Variants in CACNA2D3 observed in about 807,000 individuals in gnomAD.
The protein encoded by CACNA2D3 is voltage-dependent calcium channel subunit alpha-2/delta-3.
CACNA2D3 carries 60 observed loss-of-function variants against 160.6 expected under a neutral mutation model. The ratio of observed to expected loss-of-function variants is 0.37; its 90% CI spans 0.30 to 0.46. The LOEUF (loss-of-function observed/expected upper bound fraction) is 0.46. Among genes scored for constraint, CACNA2D3 ranks in the 20% least tolerant of loss-of-function variants. The probability of loss-of-function intolerance (pLI) is 1.00; values close to 1 mark genes in which losing one functional copy is unlikely to be tolerated. For missense variants in CACNA2D3, 1,205 were observed against 1,365.0 expected (o/e 0.88, Z 1.85); for synonymous variants, 558 against 492.9 (o/e 1.13, Z -1.75).
In CACNA2D3 at chr3:54,864,804, C is replaced by T. The variant is rs138060987; in HGVS notation, c.1627-6735C>T. ...CCTCAGGTGAGGCAGTGCCGAGGGC[C>T]GGTGACCACCAGACCACAGGCTCAG... is the stretch of plus-strand genomic sequence containing the variant. On this transcript the variant is annotated intron_variant, in intron 17 of 37. Transcript: ENST00000474759. Among the ~76,000 whole-genome samples, 37 of 152,286 alleles carry T rather than the reference C, an allele frequency of 2.4e-4. No homozygotes were observed. In the East Asian group the frequency reaches 5.6e-3, roughly 23 times the overall value.
At chr3:54,155,739 G>A (rs1344213979) in intron 2 of CACNA2D3, among the ~76,000 whole-genome samples, 1 of 152,160 alleles carries the variant, frequency 6.6e-6, no homozygotes, top group East Asian at 1.9e-4. Context: ...CTCATGTTCA[G>A]TCTGCAGGAA....
chr3:54,968,089 C>T (rs1702189999), intron 27 of CACNA2D3, among the ~76,000 whole-genome samples: 2 of 152,056 alleles, frequency 1.3e-5, no homozygotes, highest in Non-Finnish European at 2.9e-5. Context: ...TAATAGCTGA[C>T]AGGAACTGAA....
intron 4 of CACNA2D3, among the ~76,000 whole-genome samples, chr3:54,400,569 G>A (rs530196727): frequency 4.2e-4 from 64 of 152,260 alleles, no homozygotes; most frequent in African/African-American, 1.5e-3. Flanking sequence ...GACAGCCTTT[G>A]CTACCACCAC....
At chr3:54,407,922 A>G (rs1272428161) in intron 4 of CACNA2D3, among the ~76,000 whole-genome samples, 1 of 152,108 alleles carries the variant, frequency 6.6e-6, no homozygotes, top group African/African-American at 2.4e-5. Flanking sequence ...TATAACATCT[A>G]GGTGATTTCT....
intron 4 of CACNA2D3, among the ~76,000 whole-genome samples, chr3:54,412,856 T>A (rs944316912): frequency 2.4e-4 from 37 of 151,840 alleles, no homozygotes; most frequent in African/African-American, 8.2e-4. Flanking sequence ...ATCTTTTATA[T>A]ATGTTATAAA....
intron 10 of CACNA2D3, among the ~76,000 whole-genome samples, chr3:54,630,042 A>T (rs1455770389): frequency 2.0e-5 from 3 of 152,100 alleles, no homozygotes; most frequent in Non-Finnish European, 4.4e-5. Context: ...TTTTAAGGTA[A>T]TGGTAGCAAA....
At chr3:54,242,206 A>AC (rs1701986421) in intron 2 of CACNA2D3, among the ~76,000 whole-genome samples, 5 of 152,166 alleles carry the variant, frequency 3.3e-5, no homozygotes, top group African/African-American at 1.2e-4. Context: ...AGATCAACTG[A>AC]GGTCAGGAGT....
chr3:54,401,006 A>G (rs1003210233), intron 4 of CACNA2D3, among the ~76,000 whole-genome samples: 8 of 152,174 alleles, frequency 5.3e-5, no homozygotes, highest in Non-Finnish European at 1.2e-4. Flanking sequence ...CAGAAAAAAA[A>G]TTCATGATCT....
At chr3:54,281,902 G>A in intron 2 of CACNA2D3, among the ~76,000 whole-genome samples, 1 of 152,180 alleles carries the variant, frequency 6.6e-6, no homozygotes, top group East Asian at 1.9e-4. Flanking sequence ...TCAGCAGATA[G>A]CACAGAGTGG....
intron 13 of CACNA2D3, among the ~76,000 whole-genome samples, chr3:54,775,786 GGCT>G (rs1332453532): frequency 6.6e-6 from 1 of 151,984 alleles, no homozygotes; most frequent in East Asian, 1.9e-4. Flanking sequence ...AGAAAGCATT[GGCT>G]GTAGGCAAGA....
chr3:54,832,966 C>T (rs1380432975), intron 14 of CACNA2D3, among the ~76,000 whole-genome samples: 1 of 152,156 alleles, frequency 6.6e-6, no homozygotes, highest in Non-Finnish European at 1.5e-5. Context: ...GCCATGTTGC[C>T]AACTGGTGCC....
At chr3:54,909,976 T>C (rs1385041910) in intron 27 of CACNA2D3, among the ~76,000 whole-genome samples, 1 of 152,186 alleles carries the variant, frequency 6.6e-6, no homozygotes, top group Non-Finnish European at 1.5e-5. Context: ...GGAAAATGCT[T>C]TGATCAGTGT....
chr3:54,427,268 A>G (rs1351223884), intron 4 of CACNA2D3, among the ~76,000 whole-genome samples: 2 of 152,132 alleles, frequency 1.3e-5, no homozygotes, highest in Admixed American at 6.6e-5. Context: ...AATTTTTGAA[A>G]TGTGTTAACA....
At chr3:54,542,553 G>A (rs1010962858) in intron 5 of CACNA2D3, among the ~76,000 whole-genome samples, 1 of 152,162 alleles carries the variant, frequency 6.6e-6, no homozygotes, top group Non-Finnish European at 1.5e-5. Flanking sequence ...AAAACCACTG[G>A]TGTAAGCCCA....
intron 2 of CACNA2D3, among the ~76,000 whole-genome samples, chr3:54,304,259 C>T (rs1337567488): frequency 6.6e-6 from 1 of 152,120 alleles, no homozygotes; most frequent in Non-Finnish European, 1.5e-5. Flanking sequence ...AATGAGCCTC[C>T]CCTCTTCCTG....
chr3:54,644,419 T>C (rs958800621), intron 11 of CACNA2D3, among the ~76,000 whole-genome samples: 4 of 152,218 alleles, frequency 2.6e-5, no homozygotes, highest in Non-Finnish European at 4.4e-5. Context: ...TTTATACATA[T>C]ACATTCTCTT....
chr3:54,460,537 A>G (rs895757767), intron 4 of CACNA2D3, among the ~76,000 whole-genome samples: 21 of 152,280 alleles, frequency 1.4e-4, no homozygotes, highest in African/African-American at 4.8e-4. Flanking sequence ...CTTTGAAGCA[A>G]TTGTGAATGG....
intron 27 of CACNA2D3, among the ~76,000 whole-genome samples, chr3:54,935,766 T>C (rs908124402): frequency 2.0e-5 from 3 of 152,238 alleles, no homozygotes; most frequent in Admixed American, 6.5e-5. Context: ...GCTTACTGTA[T>C]GTATATCATG....
intron 2 of CACNA2D3, among the ~76,000 whole-genome samples, chr3:54,175,633 A>AAC (rs1559872454): frequency 6.7e-6 from 1 of 148,706 alleles, no homozygotes; most frequent in Non-Finnish European, 1.5e-5. Context: ...AAAAAAAAAA[A>AAC]AGCAGATTAA....
Sources: allele counts gnomAD v4.1 joint callset (sites outside exome capture counted in the v4.1 genomes callset), GRCh38; gene constraint gnomAD v4.1.1; transcripts MANE v1.5; gene names NCBI Gene and HGNC (gene_info 2026-07-23, HGNC 2026-07-21).